Variants in ATG7 observed in about 807,000 individuals in gnomAD.
The protein encoded by ATG7 is autophagy related 7, also known as ubiquitin-like modifier-activating enzyme ATG7.
Under a neutral mutation model 82.4 loss-of-function variants are expected in ATG7, and 70 were observed. The ratio of observed to expected loss-of-function variants is 0.85; its 90% CI spans 0.70 to 1.04. ATG7 has a LOEUF of 1.04. Among genes scored for constraint, ATG7 ranks in the 50% least tolerant of loss-of-function variants. The pLI is 0.00. For synonymous variants in ATG7, 287 were observed against 313.0 expected (o/e 0.92, Z 0.88); for missense variants, 792 against 864.3 (o/e 0.92, Z 1.05).
intron 20 of ATG7, among the ~76,000 whole-genome samples, chr3:11,451,847 C>CTATA (rs771070506): frequency 2.0e-5 from 3 of 148,906 alleles, no homozygotes; most frequent in African/African-American, 7.5e-5. Flanking sequence ...ATCTCTCTCT[C>CTATA]TATATATATA....
chr3:11,284,904 G>A (rs1309742354), intron 3 of ATG7, among the ~76,000 whole-genome samples: 1 of 149,906 alleles, frequency 6.7e-6, no homozygotes, highest in Non-Finnish European at 1.5e-5. Context: ...TGGAGTGCAG[G>A]TGCGCAATCT....
At chr3:11,484,842 T>C (rs2089444630) in intron 20 of ATG7, among the ~76,000 whole-genome samples, 1 of 152,124 alleles carries the variant, frequency 6.6e-6, no homozygotes, top group Non-Finnish European at 1.5e-5. Flanking sequence ...TGATTTCCAA[T>C]TTCATCCATG....
chr3:11,423,470 A>ATTT lies in ATG7; in HGVS notation c.1957-3327_1957-3325dup, dbSNP rs200182038. 1.5e-4 allele frequency among the ~76,000 whole-genome samples: 23 copies of ATTT among 151,890 alleles called. No individual in the cohort carries two copies. The South Asian group carries it at 3.5e-3, about 23-fold the overall frequency. On this transcript the variant is annotated intron_variant, in intron 19 of 20. Transcript: ENST00000693202. ...CAATGCGGGGTTGCCACAACTTTCAATTTTTTTTTCTTTTGTAATCACTAA... is the reference window on the plus strand; with the variant it reads ...CAATGCGGGGTTGCCACAACTTTCAATTTTTTTTTTTTCTTTTGTAATCACTAA...
intron 20 of ATG7, among the ~76,000 whole-genome samples, chr3:11,545,454 C>G (rs2071195011): frequency 6.6e-6 from 1 of 152,210 alleles, no homozygotes; most frequent in Admixed American, 6.5e-5. Flanking sequence ...GCCTCCCATC[C>G]TCGGCTCCCG....
intron 20 of ATG7, among the ~76,000 whole-genome samples, chr3:11,480,550 A>C (rs889129205): frequency 1.9e-4 from 29 of 152,134 alleles, no homozygotes; most frequent in Admixed American, 7.9e-4. Context: ...CCTGGGCAAC[A>C]AAGTATGAGA....
At chr3:11,286,084 G>T (rs1039462227) in intron 3 of ATG7, among the ~76,000 whole-genome samples, 26 of 152,192 alleles carry the variant, frequency 1.7e-4, no homozygotes, top group African/African-American at 6.3e-4. Context: ...TCCAGGTTGT[G>T]TATTTTCATC....
chr3:11,576,283 C>T, the ATG7 span, among the ~76,000 whole-genome samples: 2 of 152,136 alleles, frequency 1.3e-5, no homozygotes, highest in African/African-American at 2.4e-5. Context: ...ACAGATGTGT[C>T]CCACATTAGA....
At chr3:11,439,900 A>G (rs964879430) in intron 20 of ATG7, among the ~76,000 whole-genome samples, 2 of 152,160 alleles carry the variant, frequency 1.3e-5, no homozygotes, top group Non-Finnish European at 2.9e-5. Flanking sequence ...GCCCATAACA[A>G]TCTTAGGAGG....
chr3:11,482,257 A>AAC (rs1164659667), intron 20 of ATG7, among the ~76,000 whole-genome samples: 1 of 152,182 alleles, frequency 6.6e-6, no homozygotes, highest in African/African-American at 2.4e-5. Flanking sequence ...GTGGAAACAC[A>AAC]ACAGCGCTCA....
At chr3:11,462,164 C>T (rs926008238) in intron 20 of ATG7, among the ~76,000 whole-genome samples, 1 of 152,134 alleles carries the variant, frequency 6.6e-6, no homozygotes, top group Admixed American at 6.5e-5. Context: ...CCTTCAAGAG[C>T]TGTTTAAGAG....
chr3:11,299,159 C>T (rs1038707488), intron 4 of ATG7: 11 of 600,138 alleles, frequency 1.8e-5, no homozygotes, highest in African/African-American at 3.7e-5. Context: ...ATATTCTTGG[C>T]GAATGTCTCA....
At chr3:11,486,408 A>G (rs2089652488) in intron 20 of ATG7, among the ~76,000 whole-genome samples, 1 of 152,216 alleles carries the variant, frequency 6.6e-6, no homozygotes, top group Admixed American at 6.5e-5. Flanking sequence ...ACTTTGCTGA[A>G]GTTGCTTATC....
At chr3:11,566,816 G>A in the ATG7 span, among the ~76,000 whole-genome samples, 5 of 152,246 alleles carry the variant, frequency 3.3e-5, no homozygotes, top group African/African-American at 1.2e-4. Context: ...CCTCACACAC[G>A]GCAGCCTCTG....
chr3:11,465,294 A>C (rs9840044), intron 20 of ATG7, among the ~76,000 whole-genome samples: 77,392 of 151,486 alleles, frequency 0.51, 20,639 homozygotes, highest in East Asian at 0.67. Flanking sequence ...AAAATTCAAA[A>C]ATTAGCTGTG....
chr3:11,435,957 G>C (rs1156296521), intron 20 of ATG7, among the ~76,000 whole-genome samples: 1 of 152,138 alleles, frequency 6.6e-6, no homozygotes, highest in Non-Finnish European at 1.5e-5. Flanking sequence ...ACTCTAAGCT[G>C]GGTGTGGTGG....
intron 20 of ATG7, among the ~76,000 whole-genome samples, chr3:11,483,502 A>G (rs1174707360): frequency 6.6e-6 from 1 of 152,138 alleles, no homozygotes; most frequent in Non-Finnish European, 1.5e-5. Flanking sequence ...AGGAGTAACC[A>G]CTGCACTCCC....
At chr3:11,281,535 G>A (rs1032902601) in intron 2 of ATG7, among the ~76,000 whole-genome samples, 22 of 152,190 alleles carry the variant, frequency 1.4e-4, no homozygotes, top group African/African-American at 5.3e-4. Context: ...TACTTTGGGA[G>A]GCTGAGGCAG....
the ATG7 span, chr3:11,564,932 G>T: frequency 6.3e-7 from 1 of 1,587,058 alleles, no homozygotes; most frequent in Non-Finnish European, 8.6e-7. Context: ...TGCCGTGCAG[G>T]CTCATGGTGG....
At chr3:11,360,481 CAA>C in intron 15 of ATG7, 98 bp from the exon 16 acceptor site, 4 of 1,238,434 alleles carry the variant, frequency 3.2e-6, no homozygotes, top group Non-Finnish European at 4.5e-6. Flanking sequence ...CACTTACATG[CAA>C]AAAATAAATT....
Sources: gnomAD v4.1 joint callset for allele counts (sites outside exome capture counted in the v4.1 genomes callset) on GRCh38, gnomAD v4.1.1 for gene constraint, MANE v1.5 for transcripts, NCBI Gene and HGNC (gene_info 2026-07-23, HGNC 2026-07-21) for gene names.